MPDZ: variants seen among roughly 807,000 people sequenced by gnomAD.
The protein encoded by MPDZ is multiple PDZ domain crumbs cell polarity complex component.
MPDZ carries 234 observed loss-of-function variants against 239.1 expected under a neutral mutation model. That is an observed-to-expected ratio of 0.98 (90% CI 0.88 to 1.09). The LOEUF (loss-of-function observed/expected upper bound fraction) is 1.09. Among genes scored for constraint, MPDZ ranks in the 50% least tolerant of loss-of-function variants. MPDZ has a pLI of 0.00. For missense variants in MPDZ, 3,175 were observed against 2,510.0 expected (o/e 1.26, Z -5.66); for synonymous variants, 1,048 against 881.3 (o/e 1.19, Z -3.35).
intron 36 of MPDZ, among the ~76,000 whole-genome samples, chr9:13,122,774 CCT>C (rs1467184417): frequency 2.4e-4 from 37 of 152,246 alleles, no homozygotes; most frequent in Non-Finnish European, 4.3e-4. Context: ...GCCTCAGCCT[CCT>C]AAAGTGCTGG....
chr9:13,167,298 T>C (rs1351228667), intron 22 of MPDZ, among the ~76,000 whole-genome samples: 1 of 152,120 alleles, frequency 6.6e-6, no homozygotes, highest in Admixed American at 6.6e-5. Flanking sequence ...GATCTGATGA[T>C]CTGTTCAACT....
In MPDZ at chr9:13,251,433, G is replaced by A. The variant is rs555611899; in HGVS notation, c.-57-1061C>T. On this transcript the variant is annotated intron_variant, in intron 1 of 46. Transcript: ENST00000319217. ...ACAGATCTGCATTGCTAACATCCAC[G>A]TCACTAACCCATCTTGAGCCTTTGC... 9.2e-5 allele frequency among the ~76,000 whole-genome samples: 14 copies of A among 152,144 alleles called. No homozygotes were observed. The East Asian group carries it at 1.5e-3, about 17-fold the overall frequency.
At chr9:13,155,712 G>A (rs1031898478) in intron 24 of MPDZ, among the ~76,000 whole-genome samples, 1 of 152,068 alleles carries the variant, frequency 6.6e-6, no homozygotes, top group African/African-American at 2.4e-5. Context: ...TTGATTTCAT[G>A]AATGACTGTC....
At chr9:13,226,116 C>T (rs1259506216) in intron 3 of MPDZ, among the ~76,000 whole-genome samples, 1 of 151,998 alleles carries the variant, frequency 6.6e-6, no homozygotes, top group East Asian at 1.9e-4. Flanking sequence ...GACCCTAACT[C>T]GCCACAGTTG....
chr9:13,239,749 T>A (rs958996772), intron 3 of MPDZ, among the ~76,000 whole-genome samples: 3 of 152,150 alleles, frequency 2.0e-5, no homozygotes, highest in Admixed American at 1.3e-4. Context: ...GCATGGACTT[T>A]ATGCCAAAAG....
At chr9:13,113,150 C>T (rs562388389) in intron 41 of MPDZ, 96 bp from the exon 42 acceptor site, 1 of 1,149,442 alleles carries the variant, frequency 8.7e-7, no homozygotes, top group East Asian at 2.6e-5. Flanking sequence ...TAAATGATAA[C>T]CTAGGTTTCT....
chr9:13,228,373 T>A (rs924186130), intron 3 of MPDZ, among the ~76,000 whole-genome samples: 1 of 152,106 alleles, frequency 6.6e-6, no homozygotes, highest in East Asian at 1.9e-4. Flanking sequence ...GCAAATTCTA[T>A]GTGAAAGGGC....
intron 31 of MPDZ, chr9:13,134,503 A>G (rs530931940): frequency 6.6e-6 from 1 of 152,300 alleles, no homozygotes; most frequent in East Asian, 1.9e-4. Flanking sequence ...ATGTATACAT[A>G]AGCTCTATGT....
chr9:13,176,038 A>G, intron 20 of MPDZ, 98 bp downstream of exon 20: 5 of 1,438,784 alleles, frequency 3.5e-6, no homozygotes, highest in Middle Eastern at 1.9e-4. Flanking sequence ...CTTAGTGTCA[A>G]GAAGCACTCA....
At chr9:13,260,652 T>C (rs369882032) in intron 1 of MPDZ, among the ~76,000 whole-genome samples, 1 of 152,222 alleles carries the variant, frequency 6.6e-6, no homozygotes, top group Admixed American at 6.5e-5. Context: ...TCTGATCCAA[T>C]AGAATTGGTG....
At chr9:13,112,380 G>A (rs1942643054) in intron 42 of MPDZ, among the ~76,000 whole-genome samples, 1 of 152,158 alleles carries the variant, frequency 6.6e-6, no homozygotes, top group Non-Finnish European at 1.5e-5. Flanking sequence ...TGAAAATCAT[G>A]TTGTGGAACT....
chr9:13,199,715 T>C (rs559575997), intron 12 of MPDZ, among the ~76,000 whole-genome samples: 3 of 152,148 alleles, frequency 2.0e-5, no homozygotes, highest in East Asian at 3.9e-4. Flanking sequence ...TGAAAGGATG[T>C]TGAATTTTAT....
intron 1 of MPDZ, among the ~76,000 whole-genome samples, chr9:13,255,153 C>T (rs1310362583): frequency 6.6e-6 from 1 of 152,204 alleles, no homozygotes; most frequent in Non-Finnish European, 1.5e-5. Flanking sequence ...AAACCACTTT[C>T]TTTACTCATC....
At chr9:13,180,575 A>C (rs1953156581) in intron 19 of MPDZ, among the ~76,000 whole-genome samples, 1 of 152,224 alleles carries the variant, frequency 6.6e-6, no homozygotes, top group South Asian at 2.1e-4. Context: ...AACCATGTTA[A>C]AATTTTAAAC....
intron 3 of MPDZ, among the ~76,000 whole-genome samples, chr9:13,235,750 C>CTA (rs1963772369): frequency 6.6e-6 from 1 of 152,132 alleles, no homozygotes. Flanking sequence ...GCACCTGCCC[C>CTA]TATATAGGTA....
intron 32 of MPDZ, among the ~76,000 whole-genome samples, chr9:13,131,624 G>A (rs545868707): frequency 1.3e-5 from 2 of 152,246 alleles, no homozygotes; most frequent in African/African-American, 4.8e-5. Context: ...CCTCTCCACT[G>A]ATAACAAGTT....
intron 19 of MPDZ, among the ~76,000 whole-genome samples, chr9:13,179,838 A>G (rs1364189618): frequency 2.0e-5 from 3 of 152,174 alleles, no homozygotes; most frequent in Admixed American, 2.0e-4. Context: ...CCCAGATAAT[A>G]TATTTACAAA....
intron 3 of MPDZ, among the ~76,000 whole-genome samples, chr9:13,230,914 G>A (rs949585600): frequency 2.6e-5 from 4 of 152,024 alleles, no homozygotes; most frequent in Non-Finnish European, 4.4e-5. Flanking sequence ...GGGAAAAAAA[G>A]GAAAGACAAA....
chr9:13,194,647 G>A (rs1955404021), intron 13 of MPDZ, among the ~76,000 whole-genome samples: 1 of 151,986 alleles, frequency 6.6e-6, no homozygotes, highest in South Asian at 2.1e-4. Flanking sequence ...AACCACCATG[G>A]CACATGTATA....
Sources: allele counts gnomAD v4.1 joint callset (sites outside exome capture counted in the v4.1 genomes callset), GRCh38; gene constraint gnomAD v4.1.1; transcripts MANE v1.5; gene names NCBI Gene and HGNC (gene_info 2026-07-23, HGNC 2026-07-21).